SESN1: variants seen among roughly 807,000 people sequenced by gnomAD.
SESN1 encodes the protein sestrin-1.
A neutral mutation model predicts 59.3 loss-of-function variants in SESN1; 30 were observed. The ratio of observed to expected loss-of-function variants is 0.51; its 90% confidence interval spans 0.38 to 0.69. The LOEUF is 0.69. Among genes scored for constraint, SESN1 ranks in the 30% least tolerant of loss-of-function variants. SESN1 has a pLI of 0.00. For synonymous variants in SESN1, 197 were observed against 219.9 expected (o/e 0.90, Z 0.92); for missense variants, 566 against 673.0 (o/e 0.84, Z 1.76).
chr6:109,002,289 G>A lies in SESN1; in HGVS notation c.334C>T (p.Pro112Ser), dbSNP rs772807801. The change falls in exon 2 of 10, where the codon CCA (proline) becomes TCA (serine). Residue 112 changes from proline to serine, a missense_variant. Transcript: ENST00000436639. ...PLGQGPSRFIPEKEILQVGSE... is the reference protein window; with the variant it reads ...PLGQGPSRFISEKEILQVGSE... ...CACAAACAACGTACCTCCTTTTCTG[G>A]GATGAATCTGCTTGGTCCCTGTCCT... 8 of 1,613,078 alleles carry A rather than the reference G, an allele frequency of 5.0e-6. No individual in the cohort carries two copies. The highest frequency in any genetic ancestry group is 2.2e-5 in the South Asian group (2 of 91,058).
chr6:109,054,608 C>G (rs940815078), intron 1 of SESN1, among the ~76,000 whole-genome samples: 1 of 151,762 alleles, frequency 6.6e-6, no homozygotes, highest in African/African-American at 2.4e-5. Flanking sequence ...ATAGTAGGCA[C>G]AAAAAAAATA....
intron 1 of SESN1, among the ~76,000 whole-genome samples, chr6:109,051,740 T>C (rs950176925): frequency 6.6e-6 from 1 of 152,204 alleles, no homozygotes; most frequent in Admixed American, 6.5e-5. Context: ...TTTTGTTTTG[T>C]TTTGTTTTCT....
Position 108,994,562 on chromosome 6 carries a change from C to T in SESN1, c.1020G>A (p.Arg340=), listed in dbSNP as rs1562453788. 1 of 1,613,352 alleles carries T rather than the reference C, an allele frequency of 6.2e-7. No individual in the cohort carries two copies. Among genetic ancestry groups the T allele is most frequent in the African/African-American group, 1.3e-5 (1 of 74,834 alleles). Residue 340 remains arginine, a synonymous_variant, in exon 6 of 10, where the codon AGG becomes AGA. Transcript: ENST00000436639. ...CTTCATCTCGACATTCCTGTAACTGCCTCATCTTTTCCATGAGGGCTTCAA... is the reference window on the plus strand; with the variant it reads ...CTTCATCTCGACATTCCTGTAACTGTCTCATCTTTTCCATGAGGGCTTCAA... The part of the protein sequence containing the change: ...FEVEALMEKM[R]QLQECRDEEE...
At chr6:109,079,194 GA>G (rs200879750) in intron 1 of SESN1, among the ~76,000 whole-genome samples, 33 of 144,042 alleles carry the variant, frequency 2.3e-4, no homozygotes, top group African/African-American at 7.9e-4. Flanking sequence ...GTGCTAAACT[GA>G]AAAAAAAAAA....
rs1204319341 is a variant in SESN1 at position 109,093,826 on chromosome 6, T to G, written c.248A>C (p.Glu83Ala). The G allele has an allele frequency of 1.2e-6, 2 of 1,613,990 alleles. No individual in the cohort carries two copies. Among genetic ancestry groups the G allele is most frequent in the African/African-American group, 2.7e-5 (2 of 74,926 alleles). The change falls in exon 1 of 10, where the codon GAG (glutamate) becomes GCG (alanine). Residue 83 changes from glutamate to alanine, a missense_variant. Coordinates refer to ENST00000436639, the MANE Select transcript of SESN1 (RefSeq NM_014454.3). ...SKRCPFKDVREKSEFILKSIQ... is the reference protein window; with the variant it reads ...SKRCPFKDVRAKSEFILKSIQ... Reference sequence around the variant, plus strand: ...GCTCTTCAGAATAAACTCACTTTTCTCTCTCACATCTTTGAAGGGACACCT... The same window carrying G: ...GCTCTTCAGAATAAACTCACTTTTCGCTCTCACATCTTTGAAGGGACACCT...
At chr6:109,076,224 T>G (rs147751018) in intron 1 of SESN1, among the ~76,000 whole-genome samples, 1,539 of 152,344 alleles carry the variant, frequency 0.01, 30 homozygotes, top group African/African-American at 0.035. Context: ...CCAACTAGTA[T>G]GAAAACAGTT....
intron 1 of SESN1, among the ~76,000 whole-genome samples, chr6:109,043,694 A>G (rs1277197257): frequency 6.6e-6 from 1 of 152,204 alleles, no homozygotes; most frequent in Non-Finnish European, 1.5e-5. Flanking sequence ...TGATCAAAGA[A>G]ATCAAAAATC....
intron 1 of SESN1, among the ~76,000 whole-genome samples, chr6:109,019,948 A>C (rs1260772587): frequency 6.6e-6 from 1 of 152,248 alleles, no homozygotes; most frequent in East Asian, 1.9e-4. Context: ...TTTATACATA[A>C]GTGGGTTTTA....
chr6:109,044,919 C>A (rs1780400389), intron 1 of SESN1, among the ~76,000 whole-genome samples: 1 of 151,794 alleles, frequency 6.6e-6, no homozygotes, highest in Non-Finnish European at 1.5e-5. Flanking sequence ...GCTACTTGGG[C>A]AGCTGAGGCA....
intron 1 of SESN1, among the ~76,000 whole-genome samples, chr6:109,091,499 T>G (rs1327962055): frequency 1.3e-5 from 2 of 152,188 alleles, no homozygotes; most frequent in Admixed American, 6.5e-5. Flanking sequence ...CCAGCCATAT[T>G]GCATTACTTT....
At chr6:109,006,507 A>C (rs1018106549) in intron 1 of SESN1, among the ~76,000 whole-genome samples, 1 of 148,720 alleles carries the variant, frequency 6.7e-6, no homozygotes, top group Non-Finnish European at 1.5e-5. Context: ...GTCCAAGGAA[A>C]GCCCTGAGAT....
intron 1 of SESN1, among the ~76,000 whole-genome samples, chr6:109,073,140 T>C (rs1161429299): frequency 6.6e-6 from 1 of 152,240 alleles, no homozygotes; most frequent in East Asian, 1.9e-4. Context: ...AGGGGCAAAT[T>C]AGATAACCTC....
In SESN1 at chr6:108,995,674, G is replaced by A. The variant is rs112376627; in HGVS notation, c.973-1065C>T. Among the ~76,000 whole-genome samples the A allele has an allele frequency of 3.2e-3, 493 of 152,238 alleles. 1 individual carries two copies. Among genetic ancestry groups the A allele is most frequent in the Non-Finnish European group, 5.8e-3 (392 of 68,006 alleles). On this transcript the variant is annotated intron_variant, in intron 5 of 9. Transcript: ENST00000436639. ...CTCATGCCTGTAATCCCAGCATTTT[G>A]GGAGACCAAGGCAGGAGAATCACTT...
At chr6:109,056,011 CA>C (rs905436920) in intron 1 of SESN1, among the ~76,000 whole-genome samples, 1 of 152,192 alleles carries the variant, frequency 6.6e-6, no homozygotes, top group African/African-American at 2.4e-5. Context: ...TTCCTCACAA[CA>C]AACTACTTAT....
chr6:109,092,975 A>AC (rs1781351256), intron 1 of SESN1, among the ~76,000 whole-genome samples: 1 of 152,212 alleles, frequency 6.6e-6, no homozygotes, highest in Non-Finnish European at 1.5e-5. Flanking sequence ...AGGACTTTGG[A>AC]CAACACACGT....
At chr6:109,009,825 C>G (rs1383659140) in intron 1 of SESN1, among the ~76,000 whole-genome samples, 5 of 152,194 alleles carry the variant, frequency 3.3e-5, no homozygotes, top group Middle Eastern at 3.4e-3. Flanking sequence ...AGGTGCAGCA[C>G]GAGTCTTCGG....
chr6:109,054,974 C>T (rs1024772209), intron 1 of SESN1, among the ~76,000 whole-genome samples: 1 of 152,088 alleles, frequency 6.6e-6, no homozygotes, highest in Admixed American at 6.5e-5. Context: ...GAGGTAGGTC[C>T]AAATTTTATA....
chr6:109,007,278 T>C (rs1779752486), intron 1 of SESN1, among the ~76,000 whole-genome samples: 1 of 152,242 alleles, frequency 6.6e-6, no homozygotes, highest in African/African-American at 2.4e-5. Flanking sequence ...TGAAAAGTAC[T>C]GTTCCAGTCA....
intron 4 of SESN1, 56 bp downstream of exon 4, chr6:109,000,435 A>T (rs1012326298): frequency 7.5e-7 from 1 of 1,331,814 alleles, no homozygotes; most frequent in South Asian, 2.2e-5. Flanking sequence ...TGTAATCCTA[A>T]AACTGCTCTA....
Sources: gnomAD v4.1 joint callset for allele counts (sites outside exome capture counted in the v4.1 genomes callset) on GRCh38, gnomAD v4.1.1 for gene constraint, MANE v1.5 for transcripts, NCBI Gene and HGNC (gene_info 2026-07-23, HGNC 2026-07-21) for gene names.